Variants in MIPEP observed in about 807,000 individuals in gnomAD.
The protein encoded by MIPEP is mitochondrial intermediate peptidase.
In MIPEP, 79 loss-of-function variants were observed where a neutral mutation model predicts 90.3. The ratio of observed to expected loss-of-function variants is 0.87; its 90% CI spans 0.73 to 1.05. The LOEUF is 1.05. Among genes scored for constraint, MIPEP ranks in the 50% least tolerant of loss-of-function variants. MIPEP has a pLI of 0.00. For synonymous variants in MIPEP, 334 were observed against 315.8 expected (o/e 1.06, Z -0.61); for missense variants, 940 against 905.6 (o/e 1.04, Z -0.49).
intron 15 of MIPEP, among the ~76,000 whole-genome samples, chr13:23,807,633 T>C (rs1404576013): frequency 2.6e-5 from 4 of 152,238 alleles, no homozygotes; most frequent in Non-Finnish European, 5.9e-5. Context: ...CTTTCAATTC[T>C]ACATTTTATA....
intron 7 of MIPEP, 131 bp from the exon 8 acceptor site, chr13:23,864,320 T>C: frequency 1.5e-6 from 1 of 656,360 alleles, no homozygotes; most frequent in Non-Finnish European, 2.6e-6. Flanking sequence ...CAAAGGGAAG[T>C]AGAGCTACCA....
intron 15 of MIPEP, among the ~76,000 whole-genome samples, chr13:23,809,278 A>C (rs1027292142): frequency 6.6e-6 from 1 of 152,236 alleles, no homozygotes; most frequent in African/African-American, 2.4e-5. Context: ...TTTAGCTGGC[A>C]AAATGTGTGA....
chr13:23,783,684 T>C (rs1952806510), intron 16 of MIPEP, among the ~76,000 whole-genome samples: 1 of 152,298 alleles, frequency 6.6e-6, no homozygotes, highest in East Asian at 1.9e-4. Flanking sequence ...GATGACATGA[T>C]TGTATATTTA....
chr13:23,886,681 C>T (rs1871497368), intron 1 of MIPEP, among the ~76,000 whole-genome samples, 175 bp from the exon 2 acceptor site: 1 of 152,060 alleles, frequency 6.6e-6, no homozygotes, highest in African/African-American at 2.4e-5. Context: ...ACATAAATTA[C>T]ACTAAAAATG....
At chr13:23,843,408 C>T (rs1869394560) in intron 10 of MIPEP, among the ~76,000 whole-genome samples, 1 of 152,216 alleles carries the variant, frequency 6.6e-6, no homozygotes, top group Non-Finnish European at 1.5e-5. Flanking sequence ...TCTAAGCTTC[C>T]TCACCAATGC....
At chr13:23,811,136 G>A (rs1953166645) in intron 14 of MIPEP, among the ~76,000 whole-genome samples, 1 of 152,124 alleles carries the variant, frequency 6.6e-6, no homozygotes, top group Admixed American at 6.5e-5. Flanking sequence ...TCTGCCAACA[G>A]ATTGTGTCAA....
chr13:23,859,275 G>T (rs1043732119), intron 9 of MIPEP, among the ~76,000 whole-genome samples: 1 of 152,184 alleles, frequency 6.6e-6, no homozygotes, highest in Non-Finnish European at 1.5e-5. Flanking sequence ...CTGTAGGTAA[G>T]ATGAGTGTAC....
At chr13:23,876,761 G>A (rs1473557882) in intron 4 of MIPEP, among the ~76,000 whole-genome samples, 1 of 152,088 alleles carries the variant, frequency 6.6e-6, no homozygotes, top group Admixed American at 6.6e-5. Flanking sequence ...AAAAATCAAT[G>A]AATCTTTCTG....
At chr13:23,821,720 A>T (rs1398526429) in intron 14 of MIPEP, among the ~76,000 whole-genome samples, 1 of 152,220 alleles carries the variant, frequency 6.6e-6, no homozygotes, top group Non-Finnish European at 1.5e-5. Context: ...CCCTGGTATA[A>T]AATAGTATAG....
Position 23,886,433 on chromosome 13 carries a change from G to C in MIPEP, c.263C>G (p.Thr88Arg). Reference sequence around the variant, plus strand: ...ACATGCACGGTCCACAAGCAATTCTGTCTTTCTCAAGGCTTTTTCTTGTGC... The same window carrying C: ...ACATGCACGGTCCACAAGCAATTCTCTCTTTCTCAAGGCTTTTTCTTGTGC... ...HIAQEKALRK[T>R]ELLVDRACST... The change falls in exon 2 of 19, where the codon ACA becomes AGA. Residue 88 changes from threonine to arginine, a missense_variant. Physicochemically the swap from Thr to Arg is moderately conservative, Grantham distance 71 (BLOSUM62 -1). Transcript: ENST00000382172. 6.2e-7 allele frequency: 1 copy of C among 1,608,128 alleles called. No individual in the cohort carries two copies. Among genetic ancestry groups the C allele is most frequent in the Non-Finnish European group, 8.5e-7 (1 of 1,176,850 alleles).
At chr13:23,800,933 C>A (rs1593161992) in intron 16 of MIPEP, among the ~76,000 whole-genome samples, 1 of 152,168 alleles carries the variant, frequency 6.6e-6, no homozygotes, top group African/African-American at 2.4e-5. Context: ...ACTAGTGCGA[C>A]ACTTTATTCC....
intron 14 of MIPEP, among the ~76,000 whole-genome samples, chr13:23,820,071 G>C (rs1566005454): frequency 6.6e-6 from 1 of 151,788 alleles, no homozygotes; most frequent in Non-Finnish European, 1.5e-5. Flanking sequence ...ACAGTATATT[G>C]TACATGTCTC....
chr13:23,886,917 G>T (rs1252594871), intron 1 of MIPEP, among the ~76,000 whole-genome samples: 2 of 151,770 alleles, frequency 1.3e-5, no homozygotes, highest in Non-Finnish European at 2.9e-5. Flanking sequence ...TTATAACCCT[G>T]GTCATGTTAT....
chr13:23,876,129 T>C (rs1303621803), intron 4 of MIPEP, among the ~76,000 whole-genome samples: 1 of 152,194 alleles, frequency 6.6e-6, no homozygotes, highest in East Asian at 1.9e-4. Flanking sequence ...TTGATATATA[T>C]TACCAAATGC....
chr13:23,889,306 T>A lies in MIPEP; in HGVS notation c.15A>T (p.Gly5=). 7.4e-7 allele frequency: 1 copy of A among 1,349,780 alleles called. No individual in the cohort carries two copies. Among genetic ancestry groups the A allele is most frequent in the Non-Finnish European group, 9.5e-7 (1 of 1,048,766 alleles). The allele number at this position is 1,349,780 out of a possible 1,614,324, so 83.6% of individuals were successfully genotyped here. Residue 5 remains glycine, a synonymous_variant, in exon 1 of 19, where the codon GGA becomes GGT. Transcript: ENST00000382172. MLCV[G]RLGGLGARAA... ...CTCTGGCTCCCAAGCCGCCCAGCCT[T>A]CCGACGCACAGCATTCTAGCACCAG...
chr13:23,749,289 T>C (rs1380497349), intron 18 of MIPEP, among the ~76,000 whole-genome samples: 1 of 152,202 alleles, frequency 6.6e-6, no homozygotes, highest in Non-Finnish European at 1.5e-5. Flanking sequence ...GATGTTTGTA[T>C]TGTGCAAATA....
intron 16 of MIPEP, among the ~76,000 whole-genome samples, chr13:23,769,470 C>T (rs1157602926): frequency 1.3e-5 from 2 of 152,162 alleles, no homozygotes; most frequent in Admixed American, 6.5e-5. Flanking sequence ...TAGAGTACAA[C>T]AAAAAGTGAT....
intron 18 of MIPEP, among the ~76,000 whole-genome samples, chr13:23,751,630 A>ATCCTT (rs1230956453): frequency 1.9e-4 from 29 of 152,212 alleles, no homozygotes; most frequent in Non-Finnish European, 2.9e-4. Flanking sequence ...CTTGGACTTT[A>ATCCTT]TCCTTTCCCT....
chr13:23,829,827 G>A (rs1868651928), intron 14 of MIPEP, among the ~76,000 whole-genome samples: 1 of 152,038 alleles, frequency 6.6e-6, no homozygotes, highest in Non-Finnish European at 1.5e-5. Context: ...AACCTTAAAA[G>A]TAATCAGAGA....
Sources: gnomAD v4.1 joint callset for allele counts (sites outside exome capture counted in the v4.1 genomes callset) on GRCh38, gnomAD v4.1.1 for gene constraint, MANE v1.5 for transcripts, NCBI Gene and HGNC (gene_info 2026-07-23, HGNC 2026-07-21) for gene names.